The following RASAL2 variants were observed in gnomAD, a reference collection of about 807,000 sequenced individuals.
RASAL2 encodes RAS protein activator like 2.
A neutral mutation model predicts 128.9 loss-of-function variants in RASAL2; 58 were observed. The observed-to-expected ratio is 0.45, with a 90% CI of 0.36 to 0.56. The LOEUF is 0.56. RASAL2 is among the 20% of genes least tolerant of loss of function. The pLI, the probability that RASAL2 is intolerant of heterozygous loss-of-function variation, is 0.00. For missense variants in RASAL2, 1,360 were observed against 1,601.6 expected (o/e 0.85, Z 2.57); for synonymous variants, 561 against 580.8 (o/e 0.97, Z 0.49).
chr1:178,135,496 T>A (rs200818721), intron 1 of RASAL2, among the ~76,000 whole-genome samples: 2,226 of 116,092 alleles, frequency 0.019, no homozygotes, highest in Non-Finnish European at 0.022. Context: ...TGTCTCTTCA[T>A]AAAAAAAAAA....
At chr1:178,346,402 T>A (rs1320368745) in intron 3 of RASAL2, among the ~76,000 whole-genome samples, 1 of 140,874 alleles carries the variant, frequency 7.1e-6, no homozygotes, top group African/African-American at 2.5e-5. Flanking sequence ...CCTTGTATCT[T>A]TAAAAAAAAA....
Position 178,457,979 on chromosome 1 carries a change from C to T in RASAL2, c.2687C>T (p.Thr896Ile), listed in dbSNP as rs1677898365. ...SIKQLRETQS[T>I]PQSAPQVRRP... ...AAACAGCTGCGGGAAACCCAGAGCA[C>T]TCCCCAAAGTGCACCCCAAGTGAGA... The change falls in exon 14 of 18, where the codon ACT becomes ATT. Residue 896 changes from threonine to isoleucine, a missense_variant. Thr to Ile is a moderately conservative substitution (Grantham distance 89, BLOSUM62 -1). Coordinates refer to ENST00000367649, the MANE Select transcript of RASAL2 (RefSeq NM_170692.4). The T allele has an allele frequency of 5.0e-6, 8 of 1,613,984 alleles. No individual in the cohort carries two copies. Among genetic ancestry groups the T allele is most frequent in the Non-Finnish European group, 6.8e-6 (8 of 1,180,036 alleles).
chr1:178,151,943 C>A (rs1303786136), intron 1 of RASAL2, among the ~76,000 whole-genome samples: 2 of 152,166 alleles, frequency 1.3e-5, no homozygotes, highest in African/African-American at 2.4e-5. Context: ...TATGTTTGGT[C>A]TTTGTCTCTG....
intron 2 of RASAL2, among the ~76,000 whole-genome samples, chr1:178,291,881 A>C (rs1342299350): frequency 6.6e-6 from 1 of 152,054 alleles, no homozygotes; most frequent in East Asian, 1.9e-4. Flanking sequence ...CGAAAAATAC[A>C]AAAATTAGCT....
chr1:178,216,970 A>G (rs1663441277), intron 1 of RASAL2, among the ~76,000 whole-genome samples: 1 of 150,704 alleles, frequency 6.6e-6, no homozygotes, highest in South Asian at 2.1e-4. Flanking sequence ...AGATTTTATT[A>G]TTATTTATTT....
chr1:178,236,643 G>T (rs959125037), intron 1 of RASAL2, among the ~76,000 whole-genome samples: 1 of 151,904 alleles, frequency 6.6e-6, no homozygotes, highest in East Asian at 1.9e-4. Context: ...ATTATGATTG[G>T]TAGTTTATTT....
rs145916574 is a variant in RASAL2 at position 178,208,048 on chromosome 1, T to C, written c.203-75516T>C. Among the ~76,000 whole-genome samples the C allele has an allele frequency of 8.9e-3, 1,359 of 152,340 alleles. 17 individuals are homozygous for C. Among genetic ancestry groups the C allele is most frequent in the African/African-American group, 0.031 (1,277 of 41,566 alleles). ...CTTTACTTTAATCTCTTAATCCTGT[T>C]ATCTTCATAAGCTGAGGATGTACGT... On this transcript the variant is annotated intron_variant, in intron 1 of 17. Coordinates refer to ENST00000367649, the MANE Select transcript of RASAL2 (RefSeq NM_170692.4).
At chr1:178,127,781 C>T (rs1659954630) in intron 1 of RASAL2, among the ~76,000 whole-genome samples, 1 of 152,030 alleles carries the variant, frequency 6.6e-6, no homozygotes, top group Non-Finnish European at 1.5e-5. Flanking sequence ...ACATTTCCCC[C>T]TCAATCCCTG....
In RASAL2 at chr1:178,475,377, A is replaced by G. The variant is rs1317689001; in HGVS notation, c.*2138A>G. The G allele has an allele frequency of 6.6e-6, 1 of 152,212 alleles. No homozygotes were observed. Among genetic ancestry groups the G allele is most frequent in the Non-Finnish European group, 1.5e-5 (1 of 68,026 alleles). The allele number at this position is 152,212 out of a possible 1,614,324, so 9.4% of individuals were successfully genotyped here. ...CTTATTTTATTAGGAAAAAGAGGTA[A>G]CTGTTCCAAAGTGTAGTGTCCTTTG... On this transcript the variant is annotated 3_prime_UTR_variant, in exon 18 of 18. Coordinates refer to ENST00000367649, the MANE Select transcript of RASAL2 (RefSeq NM_170692.4).
chr1:178,161,931 C>G (rs543363568), intron 1 of RASAL2, among the ~76,000 whole-genome samples: 126 of 151,480 alleles, frequency 8.3e-4, no homozygotes, highest in African/African-American at 2.9e-3. Context: ...GGTTATTTGT[C>G]TTTTGATTGT....
At chr1:178,232,266 C>T (rs1328234124) in intron 1 of RASAL2, among the ~76,000 whole-genome samples, 1 of 152,098 alleles carries the variant, frequency 6.6e-6, no homozygotes. Context: ...CATTCATGAT[C>T]TTGGTTCAGT....
Position 178,445,523 on chromosome 1 carries a change from T to C in RASAL2, c.1488T>C (p.Phe496=), listed in dbSNP as rs768305139. ...ILQSTGRAKD[F]LTDLVMSEVD... is the part of the protein sequence containing the mutation. ...ATTGAACATTATTCTACCAGGATTTTCTGACTGACTTGGTGATGTCTGAGG... is the reference window on the plus strand; with the variant it reads ...ATTGAACATTATTCTACCAGGATTTCCTGACTGACTTGGTGATGTCTGAGG... The change falls in exon 9 of 18, where the codon TTT becomes TTC. Residue 496 remains phenylalanine, a synonymous_variant. Transcript: ENST00000367649. The C allele has an allele frequency of 6.2e-7, 1 of 1,613,236 alleles. No individual in the cohort carries two copies. The highest frequency in any genetic ancestry group is 8.5e-7 in the Non-Finnish European group (1 of 1,179,522).
At chr1:178,231,737 A>C (rs1331196181) in intron 1 of RASAL2, among the ~76,000 whole-genome samples, 1 of 152,212 alleles carries the variant, frequency 6.6e-6, no homozygotes, top group Admixed American at 6.5e-5. Context: ...ATAAATAGAG[A>C]TTAGAACTTG....
intron 1 of RASAL2, among the ~76,000 whole-genome samples, chr1:178,216,981 A>T (rs1284525250): frequency 2.0e-5 from 3 of 149,368 alleles, no homozygotes; most frequent in Admixed American, 6.7e-5. Context: ...TTATTTATTT[A>T]TTTATTTTTT....
intron 5 of RASAL2, among the ~76,000 whole-genome samples, chr1:178,433,500 C>T (rs898981038): frequency 2.0e-5 from 3 of 152,044 alleles, no homozygotes; most frequent in Admixed American, 6.6e-5. Flanking sequence ...TAGTGCCTGA[C>T]CCATAATGCA....
chr1:178,273,124 A>G (rs990183042), intron 1 of RASAL2, among the ~76,000 whole-genome samples: 1 of 152,226 alleles, frequency 6.6e-6, no homozygotes, highest in African/African-American at 2.4e-5. Flanking sequence ...ATAGGATTGT[A>G]TTTCATGATT....
At chr1:178,342,420 A>G (rs1030230264) in intron 3 of RASAL2, among the ~76,000 whole-genome samples, 2 of 152,222 alleles carry the variant, frequency 1.3e-5, no homozygotes, top group Non-Finnish European at 2.9e-5. Flanking sequence ...GCTAGCCCCA[A>G]TTACAATGAA....
At chr1:178,179,136 A>G (rs1419897129) in intron 1 of RASAL2, among the ~76,000 whole-genome samples, 1 of 152,092 alleles carries the variant, frequency 6.6e-6, no homozygotes, top group Admixed American at 6.5e-5. Flanking sequence ...TGTTTTAAAA[A>G]CTAGTTCTTT....
In RASAL2 at chr1:178,458,391, T is replaced by G; in HGVS notation, c.3099T>G (p.Ala1033=). 2 of 1,614,246 alleles carry G rather than the reference T, an allele frequency of 1.2e-6. No individual in the cohort carries two copies. Among genetic ancestry groups the G allele is most frequent in the Non-Finnish European group, 1.7e-6 (2 of 1,180,040 alleles). ...CCCCACCATCCCTGCCACACAGTGC[T>G]TCTTTACGTAGCACCGGGAGCATGT... is the stretch of plus-strand genomic sequence containing the variant. ...AKAPPSLPHS[A]SLRSTGSMSV... The change falls in exon 14 of 18, where the codon GCT becomes GCG. Residue 1033 remains alanine, a synonymous_variant. Coordinates refer to ENST00000367649, the MANE Select transcript of RASAL2 (RefSeq NM_170692.4).
Sources: gnomAD v4.1 joint callset for allele counts (sites outside exome capture counted in the v4.1 genomes callset) on GRCh38, gnomAD v4.1.1 for gene constraint, MANE v1.5 for transcripts, NCBI Gene and HGNC (gene_info 2026-07-23, HGNC 2026-07-21) for gene names.